Variants in HOXC5 observed in about 807,000 individuals in gnomAD.
HOXC5 encodes homeobox protein Hox-C5.
A neutral mutation model predicts 20.1 loss-of-function variants in HOXC5; 19 were observed. The ratio of observed to expected loss-of-function variants is 0.94; its 90% CI spans 0.66 to 1.38. The LOEUF (loss-of-function observed/expected upper bound fraction) is 1.38, where lower values mean the gene tolerates loss of function less well. Ranked by LOEUF, HOXC5 falls within the 40% of genes most tolerant of loss-of-function variation. The pLI is 0.00. For missense variants in HOXC5, 330 were observed against 300.1 expected, an observed-to-expected ratio of 1.10 and a Z score of -0.74; for synonymous variants, 124 against 117.0, an observed-to-expected ratio of 1.06 and a Z score of -0.39.
chr12:54,023,563 G>C, the HOXC5 span, among the ~76,000 whole-genome samples: 2 of 152,212 alleles, frequency 1.3e-5, no homozygotes, highest in Non-Finnish European at 2.9e-5. Flanking sequence ...CCTTGGAGGT[G>C]TTTGGGGGCA....
At chr12:54,029,896 C>CTG (rs1281468647), upstream of HOXC5, 1 of 1,601,476 alleles carries the variant, frequency 6.2e-7, no homozygotes, top group African/African-American at 1.4e-5. Context: ...GAGGGGCCAC[C>CTG]GCCGACAGCC....
At chr12:54,033,755 T>C (rs1275757453) in intron 1 of HOXC5, among the ~76,000 whole-genome samples, 179 bp downstream of exon 1, 1 of 152,074 alleles carries the variant, frequency 6.6e-6, no homozygotes, top group Non-Finnish European at 1.5e-5. Flanking sequence ...GACGACATAA[T>C]TGGATCATAG....
the HOXC5 span, among the ~76,000 whole-genome samples, chr12:54,025,385 T>A: frequency 6.6e-6 from 1 of 151,964 alleles, no homozygotes; most frequent in South Asian, 2.1e-4. Context: ...AAAAAGAAAA[T>A]ATAATCCAAT....
chr12:54,032,429 T>C (rs534730801), upstream of HOXC5, among the ~76,000 whole-genome samples: 7 of 152,392 alleles, frequency 4.6e-5, no homozygotes, highest in African/African-American at 1.7e-4. Flanking sequence ...AAGGGACTTC[T>C]ACCTTTGGTT....
At chr12:54,025,371 T>C in the HOXC5 span, among the ~76,000 whole-genome samples, 1 of 152,108 alleles carries the variant, frequency 6.6e-6, no homozygotes, top group African/African-American at 2.4e-5. Context: ...TAACATGAAA[T>C]GGGAAAAAGA....
the HOXC5 span, among the ~76,000 whole-genome samples, chr12:54,018,904 C>T: frequency 6.6e-6 from 1 of 152,128 alleles, no homozygotes; most frequent in African/African-American, 2.4e-5. Context: ...GGGAGGGGAT[C>T]GCTCCACGAT....
rs561385097 is a variant in HOXC5, at chr12:54,033,820, T to TA, written c.454+251dup. The TA allele has an allele frequency of 8.6e-4, 468 of 544,382 alleles. 2 individuals are homozygous for TA. Among genetic ancestry groups the TA allele is most frequent in the African/African-American group, 8.1e-3 (415 of 51,414 alleles). The allele number at this position is 544,382 out of a possible 1,614,324, so 33.7% of individuals were successfully genotyped here. ...AATTTTTGGGGGAGAGGGAGGGAGT[T>TA]AAAAAAATAGAGGGATCTGAAGGGT... On this transcript the variant is annotated intron_variant, in intron 1 of 1. Transcript: ENST00000312492.
the HOXC5 span, among the ~76,000 whole-genome samples, chr12:54,018,837 C>G: frequency 7.9e-5 from 12 of 152,306 alleles, no homozygotes; most frequent in African/African-American, 2.9e-4. Context: ...AAGACACCCC[C>G]TCTACCCCCA....
At position 54,034,340 on chromosome 12, in the gene HOXC5, G is replaced by T. The variant is rs1432556399; in HGVS notation, c.517G>T (p.Glu173Ter). The T allele has an allele frequency of 1.9e-6, 3 of 1,614,220 alleles. No individual in the cohort carries two copies. The highest frequency in any genetic ancestry group is 2.5e-6 in the Non-Finnish European group (3 of 1,180,048). Residue 173 changes from glutamate to a stop codon, truncating the protein, a stop_gained, in exon 2 of 2, where the codon GAA (glutamate) becomes TAA (stop). Coordinates refer to ENST00000312492, the MANE Select transcript of HOXC5 (RefSeq NM_018953.4). LOFTEE classifies it high-confidence loss of function. ...CTACCAGACTCTGGAACTCGAGAAA[G>T]AATTCCACTTTAACCGCTACCTCAC... ...TRYQTLELEK[E>*]FHFNRYLTRR... is the part of the protein sequence containing the mutation.
At chr12:54,033,897 T>G in intron 1 of HOXC5, 1 of 351,682 alleles carries the variant, frequency 2.8e-6, no homozygotes, top group Admixed American at 4.3e-5. Context: ...CCTCCCTCCC[T>G]CCCCTGCGGA....
upstream of HOXC5, chr12:54,030,710 G>A (rs530933624): frequency 6.5e-6 from 1 of 152,822 alleles, no homozygotes; most frequent in African/African-American, 2.4e-5. Context: ...TGTTTAGCCA[G>A]TAGGAGAAAA....
upstream of HOXC5, among the ~76,000 whole-genome samples, chr12:54,031,027 C>A (rs180933959): frequency 1.3e-5 from 2 of 152,350 alleles, no homozygotes; most frequent in Admixed American, 6.5e-5. Context: ...GGGCTCCCTG[C>A]GCGGAGCAAC....
upstream of HOXC5, among the ~76,000 whole-genome samples, chr12:54,028,147 G>A (rs1474808216): frequency 1.3e-5 from 2 of 152,016 alleles, no homozygotes; most frequent in Admixed American, 6.5e-5. Context: ...AGTTAGCTGG[G>A]GCTGAGAGAT....
the HOXC5 span, chr12:54,020,129 T>C: frequency 6.6e-6 from 1 of 152,280 alleles, no homozygotes; most frequent in African/African-American, 2.4e-5. Context: ...CTAAGCCTCC[T>C]TGCAGGCCAC....
At position 54,034,924 on chromosome 12, in the gene HOXC5, C is replaced by G. The variant is rs1592240098; in HGVS notation, c.*432C>G. The G allele has an allele frequency of 4.8e-6, 1 of 207,034 alleles. No individual in the cohort carries two copies. The highest frequency in any genetic ancestry group is 1.1e-4 in the East Asian group (1 of 8,906). The allele number at this position is 207,034 out of a possible 1,614,324, so 12.8% of individuals were successfully genotyped here. The stretch of plus-strand genomic sequence containing the variant: ...GCCCTCTCCTTTGTTCCCGGCTGGA[C>G]GGGTTAGACAGCCAAAGGCTGGCGA... On this transcript the variant is annotated 3_prime_UTR_variant, in exon 2 of 2. Transcript: ENST00000312492.
the HOXC5 span, among the ~76,000 whole-genome samples, chr12:54,025,768 A>T: frequency 6.6e-6 from 1 of 152,112 alleles, no homozygotes; most frequent in Non-Finnish European, 1.5e-5. Flanking sequence ...TCAGGTCGCC[A>T]ACCTCCCTGA....
chr12:54,017,546 G>A, the HOXC5 span: 10 of 152,098 alleles, frequency 6.6e-5, no homozygotes, highest in Non-Finnish European at 1.5e-4. Flanking sequence ...GTTAATTATG[G>A]GGAGGAAAAT....
Position 54,033,302 on chromosome 12 carries a change from G to A in HOXC5, c.180G>A (p.Gly60=). 1.9e-6 allele frequency: 3 copies of A among 1,614,118 alleles called. No homozygotes were observed. Among genetic ancestry groups the A allele is most frequent in the East Asian group, 2.2e-5 (1 of 44,872 alleles). Residue 60 remains glycine (G), a synonymous_variant, in exon 1 of 2, where the codon GGG becomes GGA. Coordinates refer to ENST00000312492, the MANE Select transcript of HOXC5 (RefSeq NM_018953.4). ...PPPAPSNSLH[G]VDMAANPRAH... is the part of the protein sequence containing the mutation. The stretch of plus-strand genomic sequence containing the variant: ...CTGCGCCTTCCAACTCTCTCCACGG[G>A]GTAGACATGGCTGCCAACCCCCGGG...
chr12:54,020,435 C>T, the HOXC5 span: 1 of 152,248 alleles, frequency 6.6e-6, no homozygotes, highest in Non-Finnish European at 1.5e-5. Flanking sequence ...AACCCTTTCT[C>T]ACCCTGGTCT....
Sources: allele counts gnomAD v4.1 joint callset (sites outside exome capture counted in the v4.1 genomes callset), GRCh38; gene constraint gnomAD v4.1.1; transcripts MANE v1.5; gene names NCBI Gene and HGNC (gene_info 2026-07-23, HGNC 2026-07-21).